Variants in EXOC4 observed in about 807,000 individuals in gnomAD.
The protein encoded by EXOC4 is SEC8-like 1.
EXOC4 carries 71 observed loss-of-function variants against 107.2 expected under a neutral mutation model. The observed-to-expected ratio is 0.66, with a 90% confidence interval of 0.55 to 0.81. The LOEUF is 0.81. Among genes scored for constraint, EXOC4 ranks in the 30% least tolerant of loss-of-function variants. EXOC4 has a pLI of 0.00. For synonymous variants in EXOC4, 456 were observed against 441.2 expected, an observed-to-expected ratio of 1.03 and a Z score of -0.42; for missense variants, 1,108 against 1,189.6, an observed-to-expected ratio of 0.93 and a Z score of 1.01.
intron 14 of EXOC4, among the ~76,000 whole-genome samples, chr7:133,959,626 G>C: frequency 6.6e-6 from 1 of 151,670 alleles, no homozygotes; most frequent in East Asian, 1.9e-4. Context: ...GATGAAAACA[G>C]ACCTACATCC....
intron 12 of EXOC4, among the ~76,000 whole-genome samples, chr7:133,905,067 G>A (rs906424164): frequency 6.6e-6 from 1 of 152,160 alleles, no homozygotes; most frequent in African/African-American, 2.4e-5. Flanking sequence ...TATAACACTG[G>A]GGAAGGAGGA....
chr7:133,722,308 A>G (rs1300966524), intron 10 of EXOC4, among the ~76,000 whole-genome samples: 3 of 152,202 alleles, frequency 2.0e-5, no homozygotes, highest in Admixed American at 1.3e-4. Context: ...CTCTGGCCAC[A>G]CATACTCAGC....
At chr7:133,748,285 T>C (rs1486140230) in intron 10 of EXOC4, among the ~76,000 whole-genome samples, 1 of 152,166 alleles carries the variant, frequency 6.6e-6, no homozygotes, top group Non-Finnish European at 1.5e-5. Flanking sequence ...TCAAGAATGA[T>C]ACAGTTTTGA....
chr7:133,590,318 C>G (rs1046343173), intron 9 of EXOC4, among the ~76,000 whole-genome samples: 2 of 152,036 alleles, frequency 1.3e-5, no homozygotes, highest in South Asian at 2.1e-4. Flanking sequence ...GAGGTAGGGT[C>G]TCACCTTGAC....
chr7:133,275,001 G>T lies in EXOC4; in HGVS notation c.106G>T (p.Asp36Tyr). ...CACCAGGACTCTGTCTACTAGTGAC[G>T]ATGTCGAAGACAGGGAAAATGAAAA... The part of the protein sequence containing the change: ...SVIRTLSTSD[D>Y]VEDRENEKGR... Residue 36 changes from aspartate to tyrosine, a missense_variant, in exon 2 of 18, where the codon GAT (aspartate) becomes TAT (tyrosine). Asp to Tyr is a radical substitution (Grantham distance 160). Transcript: ENST00000253861. The T allele has an allele frequency of 6.2e-7, 1 of 1,610,444 alleles. No homozygotes were observed. The highest frequency in any genetic ancestry group is 8.5e-7 in the Non-Finnish European group (1 of 1,178,100).
intron 10 of EXOC4, among the ~76,000 whole-genome samples, chr7:133,689,475 A>G (rs1794373927): frequency 6.6e-6 from 1 of 152,220 alleles, no homozygotes; most frequent in African/African-American, 2.4e-5. Context: ...GATGTGGCTC[A>G]CCGTATGGAA....
At chr7:134,090,922 C>G in the EXOC4 span, among the ~76,000 whole-genome samples, 3 of 151,942 alleles carry the variant, frequency 2.0e-5, no homozygotes, top group Non-Finnish European at 2.9e-5. Context: ...AGGAGAGACT[C>G]TAACTCCTGT....
chr7:133,744,062 A>G lies in EXOC4; in HGVS notation c.1515-73263A>G, dbSNP rs151148150. ...ACTTTATAAACTTTACAACCAAATT[A>G]TGTACCAACATCATTTCATTCATTG... On this transcript the variant is annotated intron_variant, in intron 10 of 17. Transcript: ENST00000253861. 3.3e-5 allele frequency among the ~76,000 whole-genome samples: 5 copies of G among 152,158 alleles called. No homozygotes were observed. In the East Asian group the frequency reaches 9.7e-4, roughly 29 times the overall value.
intron 9 of EXOC4, among the ~76,000 whole-genome samples, chr7:133,569,986 A>G (rs186054304): frequency 1.5e-4 from 23 of 152,326 alleles, no homozygotes; most frequent in Non-Finnish European, 3.1e-4. Context: ...GCGGAACGCA[A>G]TAAAATATCA....
chr7:133,782,111 G>A (rs926154754), intron 10 of EXOC4, among the ~76,000 whole-genome samples: 1 of 152,198 alleles, frequency 6.6e-6, no homozygotes, highest in Admixed American at 6.5e-5. Context: ...TCTGCAACTA[G>A]TATCTTTGAA....
At chr7:133,579,589 C>G (rs1342516887) in intron 9 of EXOC4, among the ~76,000 whole-genome samples, 3 of 152,234 alleles carry the variant, frequency 2.0e-5, no homozygotes, top group Admixed American at 1.3e-4. Flanking sequence ...CTCCAGAACT[C>G]TTTTTCATCT....
At chr7:133,338,359 C>T (rs188812170) in intron 5 of EXOC4, among the ~76,000 whole-genome samples, 60 of 148,908 alleles carry the variant, frequency 4.0e-4, no homozygotes, top group African/African-American at 9.6e-4. Context: ...TTTGGGAGGC[C>T]GAGGCGGGTG....
chr7:133,649,477 T>TTC (rs1483710424), intron 10 of EXOC4, among the ~76,000 whole-genome samples: 1 of 115,346 alleles, frequency 8.7e-6, no homozygotes, highest in Non-Finnish European at 1.9e-5. Flanking sequence ...CTTTTTTTTT[T>TTC]TTTTTTTTAA....
chr7:134,042,956 G>T (rs1314762206), intron 17 of EXOC4, among the ~76,000 whole-genome samples: 1 of 152,178 alleles, frequency 6.6e-6, no homozygotes, highest in Non-Finnish European at 1.5e-5. Context: ...CAGGAGAATT[G>T]CTTGAGCCCG....
chr7:134,073,205 CAAAAAAAA>C, the EXOC4 span, among the ~76,000 whole-genome samples: 83 of 22,596 alleles, frequency 3.7e-3, no homozygotes, highest in South Asian at 0.019. Context: ...GACTTCCTCT[CAAAAAAAA>C]AAAAAAAAAA....
chr7:134,013,107 G>C (rs1234200972), intron 17 of EXOC4, among the ~76,000 whole-genome samples: 1 of 152,138 alleles, frequency 6.6e-6, no homozygotes, highest in African/African-American at 2.4e-5. Context: ...TCTACGGTAG[G>C]GTTTGATGTC....
chr7:133,346,516 C>G (rs1219403661), intron 5 of EXOC4, among the ~76,000 whole-genome samples: 1 of 151,972 alleles, frequency 6.6e-6, no homozygotes, highest in African/African-American at 2.4e-5. Context: ...ATTTATAGTG[C>G]CATTTTGATC....
intron 10 of EXOC4, among the ~76,000 whole-genome samples, chr7:133,784,855 G>A (rs1047007490): frequency 6.6e-6 from 1 of 152,162 alleles, no homozygotes; most frequent in Admixed American, 6.5e-5. Context: ...TTTAAAAAAA[G>A]AAGCCATTAA....
At chr7:133,992,134 A>G (rs2116247890) in intron 14 of EXOC4, among the ~76,000 whole-genome samples, 1 of 152,044 alleles carries the variant, frequency 6.6e-6, no homozygotes, top group Non-Finnish European at 1.5e-5. Context: ...AATTTCTTTC[A>G]TCAGTGTTTT....
Sources: allele counts gnomAD v4.1 joint callset (sites outside exome capture counted in the v4.1 genomes callset), GRCh38; gene constraint gnomAD v4.1.1; transcripts MANE v1.5; gene names NCBI Gene and HGNC (gene_info 2026-07-23, HGNC 2026-07-21).